Variants in PCDH15 observed in about 807,000 individuals in gnomAD.
PCDH15 encodes the protein protocadherin-15.
A neutral mutation model predicts 178.5 loss-of-function variants in PCDH15; 129 were observed. The observed-to-expected ratio is 0.72, with a 90% CI of 0.63 to 0.84. The LOEUF is 0.84. Ranked by LOEUF, PCDH15 falls within the 40% of genes least tolerant of loss-of-function variation. The pLI, the probability that PCDH15 is intolerant of heterozygous loss-of-function variation, is 0.00. For synonymous variants in PCDH15, 800 were observed against 732.0 expected (o/e 1.09, Z -1.50); for missense variants, 2,230 against 2,099.9 (o/e 1.06, Z -1.21).
intron 1 of PCDH15, among the ~76,000 whole-genome samples, chr10:54,686,431 C>T (rs1470768649): frequency 6.6e-6 from 1 of 152,016 alleles, no homozygotes; most frequent in Non-Finnish European, 1.5e-5. Context: ...AAGAAGTCCT[C>T]ATTATTTTTG....
At chr10:54,324,687 C>T (rs2061825698) in intron 7 of PCDH15, among the ~76,000 whole-genome samples, 1 of 152,132 alleles carries the variant, frequency 6.6e-6, no homozygotes, top group Non-Finnish European at 1.5e-5. Context: ...GAATCATGAA[C>T]ACGAGAGGCG....
chr10:54,671,875 G>A (rs1182027708), intron 1 of PCDH15, among the ~76,000 whole-genome samples: 3 of 152,096 alleles, frequency 2.0e-5, no homozygotes, highest in Admixed American at 2.0e-4. Context: ...CTGGTCCATG[G>A]CCTGTTAGGA....
In PCDH15 at chr10:54,953,463, C is replaced by T. The variant is rs180786605; in HGVS notation, c.-79-55963G>A. Among the ~76,000 whole-genome samples, 1,140 of 151,422 alleles carry T rather than the reference C, an allele frequency of 7.5e-3. 16 individuals are homozygous for T. The highest frequency in any genetic ancestry group is 0.026 in the African/African-American group (1,087 of 41,464). On this transcript the variant is annotated intron_variant, in intron 2 of 5. Transcript: ENST00000458638. ...CAAGTTTCTGAACAGGAATTTATTT[C>T]CCGGTTTCCAAATTTCTAACAATTT...
chr10:54,682,278 G>A (rs763918620), intron 1 of PCDH15, among the ~76,000 whole-genome samples: 5 of 151,928 alleles, frequency 3.3e-5, no homozygotes, highest in Non-Finnish European at 7.4e-5. Context: ...TTAAATATAC[G>A]TGTTCATGGG....
chr10:55,613,349 T>C (rs1589186814), intron 2 of PCDH15, among the ~76,000 whole-genome samples: 4 of 152,290 alleles, frequency 2.6e-5, no homozygotes, highest in Admixed American at 2.6e-4. Context: ...CACATTAGGT[T>C]ACCTGGACTC....
chr10:54,135,591 T>C (rs2133098092), intron 14 of PCDH15, among the ~76,000 whole-genome samples: 1 of 152,328 alleles, frequency 6.6e-6, no homozygotes, highest in East Asian at 1.9e-4. Context: ...TAAAACATTT[T>C]CCCTGATATT....
At chr10:54,432,271 A>C (rs1404815539) in intron 3 of PCDH15, among the ~76,000 whole-genome samples, 1 of 132,516 alleles carries the variant, frequency 7.5e-6, no homozygotes, top group Non-Finnish European at 1.7e-5. Flanking sequence ...AGCTATCAAA[A>C]AAAGAAACAA....
At chr10:54,172,310 G>T (rs10825260) in intron 13 of PCDH15, among the ~76,000 whole-genome samples, 1 of 151,006 alleles carries the variant, frequency 6.6e-6, no homozygotes, top group Non-Finnish European at 1.5e-5. Flanking sequence ...TGCGACCCCC[G>T]ACTCCTGCCC....
chr10:54,439,326 G>A (rs2075648334), intron 3 of PCDH15, among the ~76,000 whole-genome samples: 1 of 151,924 alleles, frequency 6.6e-6, no homozygotes, highest in African/African-American at 2.4e-5. Context: ...CTAATAAAAA[G>A]GGGAGGGGCA....
intron 24 of PCDH15, among the ~76,000 whole-genome samples, 163 bp from the exon 25 acceptor site, chr10:53,939,118 C>A (rs901175185): frequency 6.6e-6 from 1 of 152,142 alleles, no homozygotes; most frequent in Non-Finnish European, 1.5e-5. Flanking sequence ...TGTTCCAGCT[C>A]TTTGAATGAT....
At chr10:54,569,694 T>A (rs575060580) in intron 2 of PCDH15, among the ~76,000 whole-genome samples, 1 of 152,264 alleles carries the variant, frequency 6.6e-6, no homozygotes, top group East Asian at 1.9e-4. Flanking sequence ...TATATCTGAC[T>A]GGAAATTATT....
intron 18 of PCDH15, among the ~76,000 whole-genome samples, chr10:54,045,786 T>C (rs2093643036): frequency 6.6e-6 from 1 of 152,146 alleles, no homozygotes; most frequent in South Asian, 2.1e-4. Flanking sequence ...AAGTAGGCTA[T>C]TTTTTAAGCA....
chr10:55,562,923 T>G (rs551401935), intron 2 of PCDH15, among the ~76,000 whole-genome samples: 3 of 152,124 alleles, frequency 2.0e-5, no homozygotes, highest in African/African-American at 7.2e-5. Context: ...TCTTTTGGAA[T>G]TCTTGAATTT....
At chr10:55,026,558 T>C (rs557491479) in intron 2 of PCDH15, among the ~76,000 whole-genome samples, 1 of 152,050 alleles carries the variant, frequency 6.6e-6, no homozygotes, top group Admixed American at 6.6e-5. Flanking sequence ...AGAAATACAG[T>C]GCAAGGCAGG....
intron 2 of PCDH15, among the ~76,000 whole-genome samples, chr10:54,574,531 CA>C (rs1342915763): frequency 1.3e-5 from 2 of 149,852 alleles, no homozygotes; most frequent in Admixed American, 1.3e-4. Flanking sequence ...TTTATGCAGC[CA>C]AAAAACACGT....
chr10:54,354,336 A>G (rs1035263674), intron 5 of PCDH15, among the ~76,000 whole-genome samples: 1 of 152,216 alleles, frequency 6.6e-6, no homozygotes, highest in Admixed American at 6.6e-5. Context: ...GTTGTAAAAC[A>G]GCTAAAAAAT....
At chr10:55,261,114 C>T (rs1362231736) in intron 1 of PCDH15, among the ~76,000 whole-genome samples, 1 of 152,132 alleles carries the variant, frequency 6.6e-6, no homozygotes, top group Non-Finnish European at 1.5e-5. Context: ...GTTATTCTTT[C>T]CATGCAACAA....
chr10:55,334,546 A>G (rs894889575), intron 2 of PCDH15, among the ~76,000 whole-genome samples: 75 of 151,944 alleles, frequency 4.9e-4, no homozygotes, highest in African/African-American at 1.7e-3. Flanking sequence ...ACCTCAGGTC[A>G]TCCGCCTGCC....
chr10:54,838,227 A>T (rs61293673), intron 3 of PCDH15, among the ~76,000 whole-genome samples: 5,364 of 152,018 alleles, frequency 0.035, 278 homozygotes, highest in African/African-American at 0.12. Context: ...CCCAAATATC[A>T]CCTTGAATTG....
Sources: gnomAD v4.1 joint callset for allele counts (sites outside exome capture counted in the v4.1 genomes callset) on GRCh38, gnomAD v4.1.1 for gene constraint, MANE v1.5 for transcripts, NCBI Gene and HGNC (gene_info 2026-07-23, HGNC 2026-07-21) for gene names.